MCTP2: variants seen among roughly 807,000 people sequenced by gnomAD.
MCTP2 encodes the protein multiple C2 and transmembrane domain containing 2.
In MCTP2, 132 loss-of-function variants were observed where a neutral mutation model predicts 111.6. That is an observed-to-expected ratio of 1.18 (90% CI 1.03 to 1.37). The LOEUF is 1.37. Among genes scored for constraint, MCTP2 ranks in the 40% most tolerant of loss-of-function variants. The probability of loss-of-function intolerance (pLI) is 0.00; values close to 1 mark genes in which losing one functional copy is unlikely to be tolerated. For missense variants in MCTP2, 1,183 were observed against 1,067.9 expected (o/e 1.11, Z -1.50); for synonymous variants, 395 against 387.7 (o/e 1.02, Z -0.22).
chr15:94,295,847 C>T (rs966891761), intron 1 of MCTP2, among the ~76,000 whole-genome samples: 5 of 151,308 alleles, frequency 3.3e-5, no homozygotes, highest in East Asian at 2.0e-4. Flanking sequence ...CCCAGGAGTT[C>T]GAGGCCGCAG....
intron 8 of MCTP2, among the ~76,000 whole-genome samples, chr15:94,354,001 G>A (rs916850565): frequency 7.8e-5 from 11 of 141,584 alleles, no homozygotes; most frequent in Non-Finnish European, 1.4e-4. Flanking sequence ...TCTGGAATAT[G>A]TTATTTTTAT....
intron 17 of MCTP2, among the ~76,000 whole-genome samples, chr15:94,411,617 A>G (rs1024812863): frequency 2.0e-5 from 3 of 151,992 alleles, no homozygotes; most frequent in Non-Finnish European, 4.4e-5. Flanking sequence ...TTGCCATTTG[A>G]TTTATGATTT....
chr15:94,473,262 A>G (rs1288022446), intron 21 of MCTP2, among the ~76,000 whole-genome samples: 1 of 152,162 alleles, frequency 6.6e-6, no homozygotes, highest in South Asian at 2.1e-4. Context: ...CTTTAGCCCT[A>G]TAATTCTTAG....
At chr15:94,476,168 G>A (rs1322115133) in intron 21 of MCTP2, among the ~76,000 whole-genome samples, 1 of 152,216 alleles carries the variant, frequency 6.6e-6, no homozygotes, top group South Asian at 2.1e-4. Context: ...GGTTTTCTTT[G>A]TAACAACAAG....
intron 4 of MCTP2, among the ~76,000 whole-genome samples, chr15:94,323,042 G>A (rs1470858387): frequency 6.6e-6 from 1 of 152,208 alleles, no homozygotes; most frequent in Non-Finnish European, 1.5e-5. Flanking sequence ...ATAAAGAGCT[G>A]TGAGGTTTTA....
intron 20 of MCTP2, among the ~76,000 whole-genome samples, chr15:94,460,459 A>T (rs192518018): frequency 7.2e-5 from 11 of 152,220 alleles, no homozygotes; most frequent in Middle Eastern, 3.4e-3. Context: ...CCTTGAGGAG[A>T]TGGAAAAAGT....
In MCTP2 at chr15:94,293,677, C is replaced by G. The variant is rs140498039; in HGVS notation, c.-65-4524C>G. ...CCTATTAGAATGGCTATGCACATACCTATTAGAATGGCTAAAATTAAAAGT... is the reference window on the plus strand; with the variant it reads ...CCTATTAGAATGGCTATGCACATACGTATTAGAATGGCTAAAATTAAAAGT... On this transcript the variant is annotated intron_variant, in intron 1 of 22. Transcript: ENST00000357742. Among the ~76,000 whole-genome samples, 1,057 of 152,270 alleles carry G rather than the reference C, an allele frequency of 6.9e-3. 19 individuals carry two copies. Among genetic ancestry groups the G allele is most frequent in the African/African-American group, 0.024 (1,003 of 41,540 alleles).
At chr15:94,298,811 TCC>T (rs2075407017) in intron 2 of MCTP2, 81 bp downstream of exon 2, 2 of 686,716 alleles carry the variant, frequency 2.9e-6, no homozygotes, top group Non-Finnish European at 4.2e-6. Context: ...TCTCCCCATC[TCC>T]CTCTCTCTTC....
intron 20 of MCTP2, among the ~76,000 whole-genome samples, chr15:94,467,992 G>T (rs1293265699): frequency 6.6e-6 from 1 of 152,032 alleles, no homozygotes; most frequent in Non-Finnish European, 1.5e-5. Flanking sequence ...GGAGGGCTTT[G>T]GTAAGCCTGG....
intron 21 of MCTP2, 43 bp from the exon 22 acceptor site, chr15:94,476,625 TAGATAGATAGATAGATAGATAGATAGAC>T (rs1213682225): frequency 2.6e-6 from 2 of 771,906 alleles, no homozygotes; most frequent in African/African-American, 3.8e-5. Flanking sequence ...GATAGATAGA[TAGATAGATAGATAGATAGATAGATAGAC>T]AGACAGACAG....
chr15:94,442,995 A>T (rs76307439), intron 19 of MCTP2, 35 bp downstream of exon 19: 1 of 1,598,534 alleles, frequency 6.3e-7, no homozygotes, highest in Admixed American at 1.7e-5. Flanking sequence ...ACACAAAAAA[A>T]CACTAGTGTT....
chr15:94,322,613 G>T (rs1445742604), intron 4 of MCTP2, among the ~76,000 whole-genome samples: 1 of 152,092 alleles, frequency 6.6e-6, no homozygotes, highest in African/African-American at 2.4e-5. Flanking sequence ...AGAATATCAT[G>T]GTCTGATTTT....
At chr15:94,360,053 GTGCACACACA>G (rs1397684322) in intron 10 of MCTP2, among the ~76,000 whole-genome samples, 3 of 152,122 alleles carry the variant, frequency 2.0e-5, no homozygotes, top group Admixed American at 1.3e-4. Flanking sequence ...AAGCATATGT[GTGCACACACA>G]TGCACACACA....
chr15:94,403,692 GGA>G (rs2081728484), intron 17 of MCTP2, among the ~76,000 whole-genome samples: 1 of 152,186 alleles, frequency 6.6e-6, no homozygotes, highest in Admixed American at 6.5e-5. Flanking sequence ...GCTTAGAAAT[GGA>G]GCCACTTCTC....
intron 1 of MCTP2, among the ~76,000 whole-genome samples, chr15:94,267,905 G>A (rs1378225701): frequency 4.9e-4 from 48 of 98,806 alleles, no homozygotes; most frequent in South Asian, 1.9e-3. Context: ...TTGCTCTGTC[G>A]CCCAGGCTAG....
At chr15:94,373,282 T>A (rs554586194) in intron 12 of MCTP2, among the ~76,000 whole-genome samples, 1 of 152,326 alleles carries the variant, frequency 6.6e-6, no homozygotes, top group East Asian at 1.9e-4. Flanking sequence ...TTGGAAAAAT[T>A]GAATACTCAT....
At chr15:94,440,912 C>G (rs1317994528) in intron 18 of MCTP2, among the ~76,000 whole-genome samples, 1 of 152,208 alleles carries the variant, frequency 6.6e-6, no homozygotes, top group Non-Finnish European at 1.5e-5. Flanking sequence ...CACTTCCACT[C>G]TGACTCTCCT....
chr15:94,451,693 G>A (rs2084473352), intron 19 of MCTP2, among the ~76,000 whole-genome samples: 1 of 152,202 alleles, frequency 6.6e-6, no homozygotes, highest in African/African-American at 2.4e-5. Context: ...TTGCTAAACT[G>A]TGTTATCACC....
intron 3 of MCTP2, chr15:94,314,776 T>C (rs1439737730): frequency 6.6e-6 from 3 of 457,482 alleles, no homozygotes; most frequent in South Asian, 3.1e-5. Context: ...GCTCATGTAA[T>C]ACATATTCAA....
Sources: gnomAD v4.1 joint callset for allele counts (sites outside exome capture counted in the v4.1 genomes callset) on GRCh38, gnomAD v4.1.1 for gene constraint, MANE v1.5 for transcripts, NCBI Gene and HGNC (gene_info 2026-07-23, HGNC 2026-07-21) for gene names.